Variants in RRH observed in about 807,000 individuals in gnomAD.
RRH encodes visual pigment-like receptor peropsin.
In RRH, 36 loss-of-function variants were observed where a neutral mutation model predicts 33.1. That is an observed-to-expected ratio of 1.09 (90% CI 0.83 to 1.44). RRH has a LOEUF of 1.44. RRH is among the 40% of genes most tolerant of loss of function. The pLI, the probability that RRH is intolerant of heterozygous loss-of-function variation, is 0.00. For missense variants in RRH, 393 were observed against 420.2 expected (o/e 0.94, Z 0.57); for synonymous variants, 124 against 140.2 (o/e 0.88, Z 0.82).
rs1406662123 is a variant in RRH at position 109,836,107 on chromosome 4, T to C, written c.498T>C (p.Tyr166=). ...ALMPIIGWAS[Y]APDPTGATCT... is the part of the protein sequence containing the mutation. ...TGCCTATCATAGGGTGGGCTAGTTATGCCCCAGATCCTACTGGTGCTACGT... is the reference window on the plus strand; with the variant it reads ...TGCCTATCATAGGGTGGGCTAGTTACGCCCCAGATCCTACTGGTGCTACGT... Residue 166 remains tyrosine (Y), a synonymous_variant, in exon 4 of 7, where the codon TAT becomes TAC. Transcript: ENST00000317735. 1 of 1,614,194 alleles carries C rather than the reference T, an allele frequency of 6.2e-7. No homozygotes were observed. The highest frequency in any genetic ancestry group is 8.5e-7 in the Non-Finnish European group (1 of 1,180,020).
At position 109,844,383 on chromosome 4, in the gene RRH, C is replaced by G; in HGVS notation, c.*186C>G. 2.0e-6 allele frequency: 1 copy of G among 510,026 alleles called. No individual in the cohort carries two copies. The highest frequency in any genetic ancestry group is 3.6e-6 in the Non-Finnish European group (1 of 280,196). 31.6% of individuals were successfully genotyped at this position (510,026 alleles called of 1,614,324 possible). A position where few individuals can be genotyped will look rare whatever the true frequency, so the allele number is the denominator to read the frequency against. On this transcript the variant is annotated 3_prime_UTR_variant, in exon 7 of 7. Transcript: ENST00000317735. ...GCTGTAGTGTATGCTTCTCTGTGTC[C>G]TGATATATCAACTTATTGCTCATCT...
intron 1 of RRH, among the ~76,000 whole-genome samples, chr4:109,828,571 AT>A (rs1733685673): frequency 6.6e-6 from 1 of 151,982 alleles, no homozygotes; most frequent in Non-Finnish European, 1.5e-5. Context: ...TAACCCTCAT[AT>A]TTTTGTTCTT....
chr4:109,844,314 A>C lies in RRH; in HGVS notation c.*117A>C, dbSNP rs559952430. On this transcript the variant is annotated 3_prime_UTR_variant, in exon 7 of 7. Coordinates refer to ENST00000317735, the MANE Select transcript of RRH (RefSeq NM_006583.5). ...TGGATCATTGTCCTATGAGAGTGTA[A>C]GCTCCTCAAGCACAGCTCGTGCTTC... 136 of 698,368 alleles carry C rather than the reference A, an allele frequency of 1.9e-4. No individual in the cohort carries two copies. The African/African-American group carries it at 2.0e-3, about 11-fold the overall frequency. The allele number at this position is 698,368 out of a possible 1,614,324, so 43.3% of individuals were successfully genotyped here.
intron 5 of RRH, among the ~76,000 whole-genome samples, chr4:109,840,229 T>A (rs1733961125): frequency 6.6e-6 from 1 of 152,104 alleles, no homozygotes; most frequent in African/African-American, 2.4e-5. Context: ...TGATGAGCTT[T>A]TTTTTTTTCA....
In RRH at chr4:109,833,137, A is replaced by G. The variant is rs1053720683; in HGVS notation, c.107-2A>G. ...GCATCATATTTTTGTGTGTGTTCTC[A>G]GGTATGATAAGTATTATCAGCAACA... On this transcript the variant is annotated splice_acceptor_variant, in intron 1 of 6. Coordinates refer to ENST00000317735, the MANE Select transcript of RRH (RefSeq NM_006583.5). LOFTEE classifies it high-confidence loss of function. 5 of 1,610,356 alleles carry G rather than the reference A, an allele frequency of 3.1e-6. No homozygotes were observed. In the African/African-American group the frequency reaches 5.3e-5, roughly 17 times the overall value.
Position 109,842,780 on chromosome 4 carries a change from C to G in RRH, c.899+133C>G, listed in dbSNP as rs1028152578. 6.5e-6 allele frequency: 5 copies of G among 764,944 alleles called. No homozygotes were observed. The Admixed American group carries it at 8.1e-5, about 12-fold the overall frequency. 47.4% of individuals were successfully genotyped at this position (764,944 alleles called of 1,614,324 possible). A position where few individuals can be genotyped will look rare whatever the true frequency, so the allele number is the denominator to read the frequency against. On this transcript the variant is annotated intron_variant, in intron 6 of 6. Transcript: ENST00000317735. ...GGTCATTTGCCTCATGTGACTGGAG[C>G]AGCATCTAGGACCTTAAATGCTTAG...
chr4:109,833,641 AT>A (rs1167346937), intron 2 of RRH, among the ~76,000 whole-genome samples: 6 of 152,232 alleles, frequency 3.9e-5, no homozygotes, highest in Admixed American at 1.3e-4. Context: ...ATTAAAAAAA[AT>A]AACCTGCTTT....
intron 1 of RRH, among the ~76,000 whole-genome samples, chr4:109,831,321 CATT>C (rs1733746648): frequency 6.6e-6 from 1 of 152,068 alleles, no homozygotes; most frequent in Non-Finnish European, 1.5e-5. Flanking sequence ...AATTTGCTGT[CATT>C]GTGTGCTAAT....
chr4:109,835,605 T>C (rs1733864928), intron 3 of RRH, 140 bp downstream of exon 3: 1 of 730,520 alleles, frequency 1.4e-6, no homozygotes, highest in Non-Finnish European at 2.5e-6. Context: ...GTTCAAATGT[T>C]TCAATGGCTT....
At chr4:109,839,075 C>G (rs988180485) in intron 5 of RRH, among the ~76,000 whole-genome samples, 10 of 145,810 alleles carry the variant, frequency 6.9e-5, no homozygotes, top group African/African-American at 2.8e-4. Context: ...CCTATATTGT[C>G]TATTTTTGTT....
chr4:109,835,941 A>C, intron 3 of RRH, 66 bp from the exon 4 acceptor site: 1 of 1,592,334 alleles, frequency 6.3e-7, no homozygotes, highest in Non-Finnish European at 8.6e-7. Context: ...TTACAAATCA[A>C]GCAAGTTTAA....
chr4:109,840,713 A>T (rs1733968222), intron 5 of RRH, among the ~76,000 whole-genome samples: 1 of 142,420 alleles, frequency 7.0e-6, no homozygotes, highest in Non-Finnish European at 1.5e-5. Flanking sequence ...TTTACCACAT[A>T]TTTTTGTTTC....
In RRH at chr4:109,836,031, A is replaced by G; in HGVS notation, c.422A>G (p.Tyr141Cys). ...DVGRRMTTNT[Y>C]IGLILGAWIN... Reference sequence around the variant, plus strand: ...GGGAGAAGAATGACCACCAACACTTACATCGGCTTGATTCTGGGAGCCTGG... The same window carrying G: ...GGGAGAAGAATGACCACCAACACTTGCATCGGCTTGATTCTGGGAGCCTGG... Residue 141 changes from tyrosine to cysteine, a missense_variant, in exon 4 of 7, where the codon TAC becomes TGC. Physicochemically the swap from Tyr to Cys is radical, Grantham distance 194. Coordinates refer to ENST00000317735, the MANE Select transcript of RRH (RefSeq NM_006583.5). The G allele has an allele frequency of 1.2e-6, 2 of 1,614,196 alleles. No individual in the cohort carries two copies. Among genetic ancestry groups the G allele is most frequent in the Non-Finnish European group, 1.7e-6 (2 of 1,180,036 alleles).
In RRH at chr4:109,828,099, A is replaced by T. The variant is rs757942943; in HGVS notation, c.72A>T (p.Glu24Asp). ...ATGGCTCGGTCTTTTCACAGACTGA[A>T]CACAATATTGTTGCAACTTACTTGA... ...NEDGSVFSQTEHNIVATYLIM... is the reference protein window; with the variant it reads ...NEDGSVFSQTDHNIVATYLIM... The change falls in exon 1 of 7, where the codon GAA (glutamate) becomes GAT (aspartate). Residue 24 changes from glutamate (E) to aspartate (D), a missense_variant. Coordinates refer to ENST00000317735, the MANE Select transcript of RRH (RefSeq NM_006583.5). The T allele has an allele frequency of 6.2e-7, 1 of 1,612,252 alleles. No homozygotes were observed. Among genetic ancestry groups the T allele is most frequent in the African/African-American group, 1.3e-5 (1 of 75,006 alleles).
chr4:109,831,255 T>C (rs888509064), intron 1 of RRH, among the ~76,000 whole-genome samples: 5 of 152,296 alleles, frequency 3.3e-5, no homozygotes, highest in Admixed American at 3.3e-4. Context: ...CTTCGGAGTA[T>C]ATCTTGTATA....
intron 4 of RRH, among the ~76,000 whole-genome samples, chr4:109,836,925 C>T (rs1408043160): frequency 7.9e-6 from 1 of 126,840 alleles, no homozygotes; most frequent in Admixed American, 7.6e-5. Flanking sequence ...GAGGGTGGTG[C>T]GGGGGGTGGG....
chr4:109,836,515 G>T (rs1253852577), intron 4 of RRH, among the ~76,000 whole-genome samples: 2 of 152,198 alleles, frequency 1.3e-5, no homozygotes, highest in Non-Finnish European at 2.9e-5. Flanking sequence ...AGAGTGTGCA[G>T]TTCTGGCAAA....
intron 1 of RRH, 152 bp from the exon 2 acceptor site, chr4:109,832,987 A>T: frequency 1.5e-6 from 1 of 672,432 alleles, no homozygotes; most frequent in Non-Finnish European, 2.6e-6. Context: ...TGAAGATGTC[A>T]CATACAGTTT....
intron 5 of RRH, among the ~76,000 whole-genome samples, chr4:109,840,107 T>C (rs965340967): frequency 1.3e-5 from 2 of 152,194 alleles, no homozygotes; most frequent in African/African-American, 4.8e-5. Flanking sequence ...AGTGTTTTTT[T>C]CCCACAACCT....
Sources: gnomAD v4.1 joint callset for allele counts (sites outside exome capture counted in the v4.1 genomes callset) on GRCh38, gnomAD v4.1.1 for gene constraint, MANE v1.5 for transcripts, NCBI Gene and HGNC (gene_info 2026-07-23, HGNC 2026-07-21) for gene names.